DGKD: variants seen among roughly 807,000 people sequenced by gnomAD.
DGKD encodes DAG kinase delta.
Under a neutral mutation model 154.4 loss-of-function variants are expected in DGKD, and 68 were observed. That is an observed-to-expected ratio of 0.44 (90% confidence interval 0.36 to 0.54). The LOEUF (loss-of-function observed/expected upper bound fraction) is 0.54. DGKD is among the 20% of genes least tolerant of loss of function. The pLI is 0.00. For synonymous variants in DGKD, 693 were observed against 638.0 expected (o/e 1.09, Z -1.30); for missense variants, 1,343 against 1,593.6 (o/e 0.84, Z 2.68).
Position 233,435,862 on chromosome 2 carries a change from A to T in DGKD, c.631A>T (p.Asn211Tyr). The T allele has an allele frequency of 4.3e-6, 7 of 1,612,638 alleles. No homozygotes were observed. The highest frequency in any genetic ancestry group is 5.9e-6 in the Non-Finnish European group (7 of 1,179,440). ...AHKRCAVRAT[N>Y]NCKWTTLASI... ...CAAGCGCTGTGCTGTGCGTGCAACC[A>T]ATAACTGCAAGTGGACCACACTGGC... is the stretch of plus-strand genomic sequence containing the variant. The change falls in exon 6 of 30, where the codon AAT becomes TAT. Residue 211 changes from asparagine (N) to tyrosine (Y), a missense_variant. Coordinates refer to ENST00000264057, the MANE Select transcript of DGKD (RefSeq NM_152879.3).
rs2125609763 is a variant in DGKD at position 233,440,781 on chromosome 2, G to C, written c.1086-1106G>C. ...AAGCAAGGCCCGTGGCCAGGCTCGT[G>C]TTTTAGAAAGGTCTTCCTGGAACTC... On this transcript the variant is annotated intron_variant, in intron 9 of 29. Coordinates refer to ENST00000264057, the MANE Select transcript of DGKD (RefSeq NM_152879.3). The surrounding 1 kb of genome is among the most constrained non-coding windows in gnomAD (Gnocchi z 4.9). Among the ~76,000 whole-genome samples the C allele has an allele frequency of 6.6e-6, 1 of 152,292 alleles. No homozygotes were observed. Among genetic ancestry groups the C allele is most frequent in the African/African-American group, 2.4e-5 (1 of 41,554 alleles).
At chr2:233,435,946 G>T (rs2062677816) in intron 6 of DGKD, 22 bp downstream of exon 6, 1 of 1,582,942 alleles carries the variant, frequency 6.3e-7, no homozygotes, top group African/African-American at 1.4e-5. Context: ...AATACCACCT[G>T]TGGGGCCCTG....
intron 3 of DGKD, among the ~76,000 whole-genome samples, chr2:233,394,111 AC>A (rs1440977754): frequency 6.6e-6 from 1 of 152,242 alleles, no homozygotes; most frequent in East Asian, 1.9e-4. Flanking sequence ...TACGTTTAAC[AC>A]TTTGTTCATG....
chr2:233,427,064 T>C (rs896265061), intron 3 of DGKD, among the ~76,000 whole-genome samples: 2 of 152,218 alleles, frequency 1.3e-5, no homozygotes, highest in Non-Finnish European at 2.9e-5. Context: ...GTGTAAAAAT[T>C]CACATCTGTC....
intron 1 of DGKD, among the ~76,000 whole-genome samples, chr2:233,376,373 G>C (rs779993033): frequency 6.6e-6 from 1 of 152,190 alleles, no homozygotes; most frequent in Non-Finnish European, 1.5e-5. Context: ...TCACTTCACT[G>C]TAGATGTCTA....
In DGKD at chr2:233,354,911, G is replaced by T. The variant is rs1191475465; in HGVS notation, c.156+237G>T. Among the ~76,000 whole-genome samples, 2 of 145,440 alleles carry T rather than the reference G, an allele frequency of 1.4e-5. No individual in the cohort carries two copies. Among genetic ancestry groups the T allele is most frequent in the African/African-American group, 5.0e-5 (2 of 40,322 alleles). On this transcript the variant is annotated intron_variant, in intron 1 of 29. Transcript: ENST00000264057. The surrounding 1 kb of genome is among the most constrained non-coding windows in gnomAD (Gnocchi z 4.8). The stretch of plus-strand genomic sequence containing the variant: ...TGTGGGGCCGGGCGGGGGGCGCGCA[G>T]GTGGGCGCCCCGGGCGCCGCGCGCT...
In DGKD at chr2:233,436,306, T is replaced by C. The variant is rs2125594174; in HGVS notation, c.694-10T>C. The C allele has an allele frequency of 1.9e-6, 3 of 1,614,094 alleles. No homozygotes were observed. In the East Asian group the frequency reaches 6.7e-5, roughly 36 times the overall value. ...GAGCGTCCCTAGTGCGTGCCTCTGTTTGGTTGCAGATTGCAATGCCCCACC... is the reference window on the plus strand; with the variant it reads ...GAGCGTCCCTAGTGCGTGCCTCTGTCTGGTTGCAGATTGCAATGCCCCACC... On this transcript the variant is annotated splice_polypyrimidine_tract_variant and intron_variant, in intron 6 of 29. Transcript: ENST00000264057.
At chr2:233,455,171 G>A (rs545873495) in intron 19 of DGKD, among the ~76,000 whole-genome samples, 27 of 152,308 alleles carry the variant, frequency 1.8e-4, no homozygotes, top group African/African-American at 4.6e-4. Context: ...ACAGAAAAGC[G>A]GCAGGTGTGC....
intron 1 of DGKD, among the ~76,000 whole-genome samples, chr2:233,375,794 C>A (rs1034963467): frequency 1.3e-5 from 2 of 152,112 alleles, no homozygotes; most frequent in Non-Finnish European, 2.9e-5. Flanking sequence ...TCACATCAGC[C>A]TGTGTCTTTC....
intron 3 of DGKD, among the ~76,000 whole-genome samples, chr2:233,422,136 C>T (rs780010362): frequency 5.9e-5 from 9 of 152,190 alleles, no homozygotes; most frequent in Non-Finnish European, 1.2e-4. Flanking sequence ...GGCACCATCT[C>T]GGCCACTCCC....
rs371162662 is a variant in DGKD at position 233,448,336 on chromosome 2, G to A, written c.1575G>A (p.Thr525=). The A allele has an allele frequency of 1.8e-5, 29 of 1,613,948 alleles. No homozygotes were observed. Among genetic ancestry groups the A allele is most frequent in the East Asian group, 1.8e-4 (8 of 44,882 alleles). Residue 525 remains threonine (T), a synonymous_variant, in exon 14 of 30, where the codon ACG becomes ACA. Transcript: ENST00000264057. ...VARVGKAYEK[T]TESSEESEVM... is the part of the protein sequence containing the mutation. ...GGGTGGGGAAGGCCTATGAGAAGACGACCGAGAGCTCGGAGGAGTCAGAGG... is the reference window on the plus strand; with the variant it reads ...GGGTGGGGAAGGCCTATGAGAAGACAACCGAGAGCTCGGAGGAGTCAGAGG...
chr2:233,447,756 C>T lies in DGKD; in HGVS notation c.1420-331C>T, dbSNP rs115450312. The T allele has an allele frequency of 2.0e-3, 2,242 of 1,108,704 alleles. 39 individuals are homozygous for T. In the African/African-American group the frequency reaches 0.034, roughly 17 times the overall value. The allele number at this position is 1,108,704 out of a possible 1,614,324, so 68.7% of individuals were successfully genotyped here. On this transcript the variant is annotated intron_variant, in intron 12 of 29. Coordinates refer to ENST00000264057, the MANE Select transcript of DGKD (RefSeq NM_152879.3). Reference sequence around the variant, plus strand: ...GCTGCAAACGGACCCAAACCTGGAGCCGACCCGCCAGCATGCCGCTGTCAG... The same window carrying T: ...GCTGCAAACGGACCCAAACCTGGAGTCGACCCGCCAGCATGCCGCTGTCAG...
At chr2:233,460,386 A>C (rs200691034) in intron 24 of DGKD, 41 bp downstream of exon 24, 2 of 1,608,220 alleles carry the variant, frequency 1.2e-6, no homozygotes, top group South Asian at 2.2e-5. Flanking sequence ...AGCCTCCCCC[A>C]GGGTCCCTGG....
intron 1 of DGKD, among the ~76,000 whole-genome samples, chr2:233,373,988 A>G (rs932731245): frequency 6.6e-5 from 10 of 151,942 alleles, no homozygotes; most frequent in African/African-American, 2.4e-4. Flanking sequence ...TTTGTACATC[A>G]TGTAACTCCC....
intron 1 of DGKD, among the ~76,000 whole-genome samples, chr2:233,364,864 A>G (rs1477611142): frequency 6.6e-6 from 1 of 152,216 alleles, no homozygotes; most frequent in Non-Finnish European, 1.5e-5. Flanking sequence ...TGACTAGGCT[A>G]TTTGAAAGAG....
chr2:233,385,687 C>T (rs1196434325), intron 1 of DGKD, among the ~76,000 whole-genome samples: 10 of 152,138 alleles, frequency 6.6e-5, no homozygotes, highest in Non-Finnish European at 1.5e-5. Flanking sequence ...ACAGCTGCCA[C>T]GTGCAAAATA....
intron 1 of DGKD, among the ~76,000 whole-genome samples, chr2:233,381,848 A>G (rs1376332262): frequency 6.6e-6 from 1 of 152,238 alleles, no homozygotes; most frequent in African/African-American, 2.4e-5. Flanking sequence ...TTATTTGTTA[A>G]CTGGAATACT....
At chr2:233,428,867 G>GT (rs10628027) in intron 3 of DGKD, among the ~76,000 whole-genome samples, 60 of 145,530 alleles carry the variant, frequency 4.1e-4, no homozygotes, top group African/African-American at 1.3e-3. Context: ...CAAATAAGAG[G>GT]TTTTTTTTTG....
rs1559549773 is a variant in DGKD, at chr2:233,438,774, CTATCTATCTATCT to C, written c.1085+396_1085+408del. The stretch of plus-strand genomic sequence containing the variant: ...ATCTATCATCTATCTATCTATCTAT[CTATCTATCTATCT>C]ATCTATCTATCTATCTATCTATCTA... On this transcript the variant is annotated intron_variant, in intron 9 of 29. Coordinates refer to ENST00000264057, the MANE Select transcript of DGKD (RefSeq NM_152879.3). This position sits in a 1 kb window ranked among gnomAD's most constrained non-coding sequence, Gnocchi z 4.1. 4.7e-5 allele frequency among the ~76,000 whole-genome samples: 6 copies of C among 126,846 alleles called. No individual in the cohort carries two copies. Among genetic ancestry groups the C allele is most frequent in the Non-Finnish European group, 8.5e-5 (5 of 58,952 alleles). 83.2% of individuals were successfully genotyped at this position (126,846 alleles called of 152,430 possible).
Sources: allele counts gnomAD v4.1 joint callset (sites outside exome capture counted in the v4.1 genomes callset), GRCh38; gene constraint gnomAD v4.1.1; non-coding constraint Gnocchi (gnomAD v3.1); transcripts MANE v1.5; gene names NCBI Gene and HGNC (gene_info 2026-07-23, HGNC 2026-07-21).